The following KIF1C variants were observed in gnomAD, a reference collection of about 807,000 sequenced individuals.
The protein encoded by KIF1C is kinesin-like protein KIF1C.
In KIF1C, 61 loss-of-function variants were observed where a neutral mutation model predicts 126.5. The observed-to-expected ratio is 0.48, with a 90% CI of 0.39 to 0.60. The LOEUF (loss-of-function observed/expected upper bound fraction) is 0.60, where lower values mean the gene tolerates loss of function less well. KIF1C is among the 20% of genes least tolerant of loss of function. KIF1C has a pLI of 0.00. For missense variants in KIF1C, 1,315 were observed against 1,489.2 expected, an observed-to-expected ratio of 0.88 and a Z score of 1.93; for synonymous variants, 640 against 580.6, an observed-to-expected ratio of 1.10 and a Z score of -1.47.
In KIF1C at chr17:5,023,541, A is replaced by C. The variant is rs1389558261; in HGVS notation, c.2702A>C (p.Glu901Ala). ...APPEGSEAAE[E>A]AAPSDRMPSA... The stretch of plus-strand genomic sequence containing the variant: ...CCTGAAGGATCAGAGGCAGCAGAGG[A>C]GGCAGCCCCCAGTGACCGCATGCCG... Residue 901 changes from glutamate to alanine, a missense_variant, in exon 23 of 23, where the codon GAG becomes GCG. Coordinates refer to ENST00000320785, the MANE Select transcript of KIF1C (RefSeq NM_006612.6). The surrounding 1 kb of genome is among the most constrained non-coding windows in gnomAD (Gnocchi z 4.2). 2 of 1,613,794 alleles carry C rather than the reference A, an allele frequency of 1.2e-6. No homozygotes were observed. The highest frequency in any genetic ancestry group is 1.7e-6 in the Non-Finnish European group (2 of 1,179,928).
At chr17:5,018,889 T>C (rs992091891) in intron 18 of KIF1C, among the ~76,000 whole-genome samples, 3 of 152,142 alleles carry the variant, frequency 2.0e-5, no homozygotes, top group Non-Finnish European at 4.4e-5. Context: ...GTGTGGCATA[T>C]GTGGGTTTGA....
At chr17:5,004,448 A>G (rs1184160113) in intron 11 of KIF1C, 119 bp from the exon 12 acceptor site, 2 of 886,890 alleles carry the variant, frequency 2.3e-6, no homozygotes, top group Admixed American at 1.9e-5. Flanking sequence ...AGACTCCCCT[A>G]CCTCAGACCA....
At chr17:5,012,240 G>A (rs1352934825) in intron 16 of KIF1C, among the ~76,000 whole-genome samples, 2 of 152,196 alleles carry the variant, frequency 1.3e-5, no homozygotes, top group East Asian at 3.9e-4. Context: ...AAAGGCCACA[G>A]TCAGTCCTTC....
In KIF1C at chr17:5,015,838, C is replaced by T. The variant is rs537692341; in HGVS notation, c.1666+1001C>T. On this transcript the variant is annotated intron_variant, in intron 18 of 22. Transcript: ENST00000320785. ...CTTGAACTCCTGATCTCATGTGATC[C>T]GCCCACCTTGGCCTCCCAAAGCACT... Among the ~76,000 whole-genome samples the T allele has an allele frequency of 2.2e-4, 34 of 151,932 alleles. No individual in the cohort carries two copies. The South Asian group carries it at 3.7e-3, about 17-fold the overall frequency.
chr17:5,000,646 G>A (rs1974564092), intron 3 of KIF1C, 126 bp from the exon 4 acceptor site: 5 of 902,588 alleles, frequency 5.5e-6, no homozygotes, highest in Non-Finnish European at 9.0e-6. Context: ...ATGTTAAAGG[G>A]GAGAGAAGAG....
In KIF1C at chr17:5,022,242, G is replaced by A. The variant is rs745607170; in HGVS notation, c.2161G>A (p.Ala721Thr). Residue 721 changes from alanine to threonine, a missense_variant, in exon 22 of 23, where the codon GCC becomes ACC. Physicochemically the swap from Ala to Thr is moderately conservative, Grantham distance 58. This residue lies in a region of KIF1C where 874 missense variants were observed against 1,053.2 expected (regional missense o/e 0.83). Transcript: ENST00000320785. This position sits in a 1 kb window ranked among gnomAD's most constrained non-coding sequence, Gnocchi z 4.9. ...CGLPSSGKRR[A>T]PRRVYQIPQR... ...TCTGCCCAGCAGTGGCAAGCGCAGG[G>A]CCCCTCGCAGGGTTTATCAGATCCC... is the stretch of plus-strand genomic sequence containing the variant. 4.3e-6 allele frequency: 7 copies of A among 1,614,142 alleles called. No individual in the cohort carries two copies. In the South Asian group the frequency reaches 4.4e-5, roughly 10 times the overall value.
At chr17:5,012,534 G>A (rs1163298890) in intron 16 of KIF1C, among the ~76,000 whole-genome samples, 2 of 152,040 alleles carry the variant, frequency 1.3e-5, no homozygotes, top group Admixed American at 6.6e-5. Flanking sequence ...ACATGGAGGA[G>A]GCCCAGGGAT....
At chr17:4,999,235 T>C (rs1348235385) in intron 1 of KIF1C, among the ~76,000 whole-genome samples, 1 of 152,196 alleles carries the variant, frequency 6.6e-6, no homozygotes, top group Non-Finnish European at 1.5e-5. Flanking sequence ...CCTTGGACTT[T>C]GCCCATCTGC....
At chr17:5,013,070 ATGTT>A (rs1974901326) in intron 16 of KIF1C, among the ~76,000 whole-genome samples, 2 of 152,160 alleles carry the variant, frequency 1.3e-5, no homozygotes, top group African/African-American at 4.8e-5. Flanking sequence ...TTCGAGAAAC[ATGTT>A]TGTTCCATTT....
chr17:5,020,361 C>A lies in KIF1C; in HGVS notation c.1751-131C>A. On this transcript the variant is annotated intron_variant, in intron 19 of 22. Coordinates refer to ENST00000320785, the MANE Select transcript of KIF1C (RefSeq NM_006612.6). The surrounding 1 kb of genome is among the most constrained non-coding windows in gnomAD (Gnocchi z 5.8). ...TCAGCCAGGGGAGCATAGGCTCCAA[C>A]TGCCTTCAGACTTGGGGTGATGAAG... The A allele has an allele frequency of 1.0e-6, 1 of 970,676 alleles. No individual in the cohort carries two copies. Among genetic ancestry groups the A allele is most frequent in the Non-Finnish European group, 1.5e-6 (1 of 660,880 alleles). 60.1% of individuals were successfully genotyped at this position (970,676 alleles called of 1,614,324 possible).
intron 16 of KIF1C, among the ~76,000 whole-genome samples, chr17:5,008,223 A>G (rs1169888772): frequency 6.6e-6 from 1 of 152,200 alleles, no homozygotes; most frequent in Non-Finnish European, 1.5e-5. Context: ...GGGAGAGGTC[A>G]GGCTCAGGTG....
In KIF1C at chr17:5,011,174, T is replaced by C. The variant is rs138786974; in HGVS notation, c.1492-2479T>C. On this transcript the variant is annotated intron_variant, in intron 16 of 22. Transcript: ENST00000320785. ...GAACTCTTCTCATGTTTAAAAGCCA[T>C]GTGGTCTAAAGCCAGAAGAGAGAAC... is the stretch of plus-strand genomic sequence containing the variant. Among the ~76,000 whole-genome samples the C allele has an allele frequency of 5.9e-5, 9 of 152,298 alleles. No individual in the cohort carries two copies. In the East Asian group the frequency reaches 1.7e-3, roughly 29 times the overall value.
intron 16 of KIF1C, among the ~76,000 whole-genome samples, chr17:5,009,292 G>C (rs943923262): frequency 2.6e-5 from 4 of 151,522 alleles, no homozygotes; most frequent in African/African-American, 9.7e-5. Context: ...CGATTCTTCT[G>C]CCTCAGCCTC....
In KIF1C at chr17:5,004,559, A is replaced by G. The variant is rs201596851; in HGVS notation, c.941-8A>G. 15 of 1,613,852 alleles carry G rather than the reference A, an allele frequency of 9.3e-6. No homozygotes were observed. The African/African-American group carries it at 1.2e-4, about 13-fold the overall frequency. On this transcript the variant is annotated splice_region_variant and splice_polypyrimidine_tract_variant and intron_variant, in intron 11 of 22. Coordinates refer to ENST00000320785, the MANE Select transcript of KIF1C (RefSeq NM_006612.6). The stretch of plus-strand genomic sequence containing the variant: ...CAGCTGAAGCTTTTCCATGCACTCC[A>G]TTCACAGGGGGGAACTCACGCACAG...
In KIF1C at chr17:5,024,189, T is replaced by C. The variant is rs200756699; in HGVS notation, c.*38T>C. 4.8e-5 allele frequency: 71 copies of C among 1,468,492 alleles called. No homozygotes were observed. Among genetic ancestry groups the C allele is most frequent in the Non-Finnish European group, 5.9e-5 (63 of 1,075,698 alleles). The allele number at this position is 1,468,492 out of a possible 1,614,324, so 91.0% of individuals were successfully genotyped here. A position where few individuals can be genotyped will look rare whatever the true frequency, so the allele number is the denominator to read the frequency against. ...GGGCAGAGGGCCTGGTGGGGCCCCTTGCTAGGAGAAGGGAAGACGCCCGAG... is the reference window on the plus strand; with the variant it reads ...GGGCAGAGGGCCTGGTGGGGCCCCTCGCTAGGAGAAGGGAAGACGCCCGAG... On this transcript the variant is annotated 3_prime_UTR_variant, in exon 23 of 23. Transcript: ENST00000320785.
chr17:5,004,231 A>T (rs1480567074), intron 11 of KIF1C, among the ~76,000 whole-genome samples, 158 bp downstream of exon 11: 2 of 152,034 alleles, frequency 1.3e-5, no homozygotes, highest in African/African-American at 4.8e-5. Context: ...AGATTTCCTG[A>T]TGCTGAGAAC....
At chr17:5,000,074 A>G in intron 2 of KIF1C, 104 bp downstream of exon 2, 1 of 598,690 alleles carries the variant, frequency 1.7e-6, no homozygotes, top group Non-Finnish European at 3.0e-6. Context: ...TTTGGGAGGA[A>G]AGCCAAGGGA....
At chr17:5,019,527 G>A (rs988020415) in intron 18 of KIF1C, 3 of 180,650 alleles carry the variant, frequency 1.7e-5, no homozygotes, top group African/African-American at 7.2e-5. Context: ...GTCAGCTGTG[G>A]CTTGAGAAGA....
At chr17:5,015,050 T>C (rs1974943868) in intron 18 of KIF1C, among the ~76,000 whole-genome samples, 1 of 152,142 alleles carries the variant, frequency 6.6e-6, no homozygotes, top group African/African-American at 2.4e-5. Flanking sequence ...GAAGACAGAC[T>C]ACTGTGTGGT....
Sources: gnomAD v4.1 joint callset for allele counts (sites outside exome capture counted in the v4.1 genomes callset) on GRCh38, gnomAD v4.1.1 for gene constraint, gnomAD v4.1.1 regional missense constraint, Gnocchi (gnomAD v3.1) non-coding constraint, MANE v1.5 for transcripts, NCBI Gene and HGNC (gene_info 2026-07-23, HGNC 2026-07-21) for gene names.